Variants in DIAPH2 observed in about 807,000 individuals in gnomAD.
DIAPH2 encodes the protein diaphanous related formin 2, also known as protein diaphanous homolog 2.
DIAPH2 carries 35 observed loss-of-function variants against 92.7 expected under a neutral mutation model. The ratio of observed to expected loss-of-function variants is 0.38; its 90% CI spans 0.29 to 0.50. The LOEUF is 0.50. Among genes scored for constraint, DIAPH2 ranks in the 20% least tolerant of loss-of-function variants. DIAPH2 has a pLI of 0.94. For synonymous variants in DIAPH2, 301 were observed against 280.4 expected (o/e 1.07, Z -0.73); for missense variants, 701 against 819.5 (o/e 0.86, Z 1.77).
At chrX:97,031,089 GGC>G (rs2066370731) in intron 17 of DIAPH2, among the ~76,000 whole-genome samples, 1 of 110,678 alleles carries the variant, frequency 9.0e-6, no homozygotes, top group Non-Finnish European at 1.9e-5. Context: ...TACTTGTTCT[GGC>G]TTTTCAAGGC....
chrX:97,440,281 G>A (rs1051698838), intron 26 of DIAPH2, among the ~76,000 whole-genome samples: 9 of 111,488 alleles, frequency 8.1e-5, no homozygotes, highest in African/African-American at 2.3e-4. Flanking sequence ...GGACTAGCTC[G>A]GAATTTGGAG....
intron 17 of DIAPH2, among the ~76,000 whole-genome samples, chrX:97,031,796 C>T (rs768888686): frequency 1.2e-4 from 13 of 111,239 alleles, no homozygotes; most frequent in Admixed American, 6.7e-4. Flanking sequence ...CACCGAACTC[C>T]GATGAAGGGA....
At chrX:96,754,858 A>G (rs1250220982) in intron 3 of DIAPH2, among the ~76,000 whole-genome samples, 1 of 89,769 alleles carries the variant, frequency 1.1e-5, no homozygotes, top group South Asian at 6.9e-4. Context: ...TGGGAAGCGG[A>G]GGTTGCAGTG....
intron 4 of DIAPH2, among the ~76,000 whole-genome samples, chrX:96,836,719 T>A (rs7064451): frequency 1.9e-3 from 40 of 20,713 alleles, no homozygotes; most frequent in African/African-American, 7.0e-3. Context: ...ATATATATAT[T>A]TTTTTTTTTT....
At chrX:96,852,793 G>T (rs1424677810) in intron 4 of DIAPH2, among the ~76,000 whole-genome samples, 1 of 111,895 alleles carries the variant, frequency 8.9e-6, no homozygotes, top group African/African-American at 3.2e-5. Flanking sequence ...TCTGCTAATT[G>T]ATCCTTTAGT....
At chrX:97,000,345 T>C (rs1414506648) in intron 17 of DIAPH2, among the ~76,000 whole-genome samples, 1 of 112,282 alleles carries the variant, frequency 8.9e-6, no homozygotes, top group Non-Finnish European at 1.9e-5. Flanking sequence ...GAATTGAAAT[T>C]TCTTTTATCT....
chrX:96,985,616 A>G (rs1430081505), intron 17 of DIAPH2, among the ~76,000 whole-genome samples: 2 of 110,981 alleles, frequency 1.8e-5, no homozygotes, highest in Non-Finnish European at 3.8e-5. Flanking sequence ...TATCATGTAA[A>G]AGGCCGAGGA....
chrX:96,989,908 G>A (rs5921072), intron 17 of DIAPH2, among the ~76,000 whole-genome samples: 11,041 of 111,609 alleles, frequency 0.099, 617 homozygotes, highest in African/African-American at 0.21. Context: ...AAGTGACATC[G>A]TAATAGTTAT....
intron 4 of DIAPH2, among the ~76,000 whole-genome samples, chrX:96,845,975 T>G (rs1336189831): frequency 9.1e-6 from 1 of 110,228 alleles, no homozygotes; most frequent in Admixed American, 9.7e-5. Context: ...TATTTTTTAT[T>G]TTTTAGCAGA....
chrX:97,183,098 T>G (rs572133924), intron 22 of DIAPH2, among the ~76,000 whole-genome samples: 2 of 111,510 alleles, frequency 1.8e-5, no homozygotes, highest in African/African-American at 3.3e-5. Context: ...AAGAGAAAAT[T>G]TCAGGAAAGA....
intron 26 of DIAPH2, among the ~76,000 whole-genome samples, chrX:97,597,481 G>A (rs938072061): frequency 2.7e-5 from 3 of 111,455 alleles, no homozygotes; most frequent in African/African-American, 9.8e-5. Flanking sequence ...GGTGTGGGGT[G>A]CCAGTAGCAT....
chrX:97,137,343 A>G (rs1461060284), intron 21 of DIAPH2, among the ~76,000 whole-genome samples: 1 of 98,239 alleles, frequency 1.0e-5, no homozygotes, highest in Non-Finnish European at 2.0e-5. Flanking sequence ...ATAGCCCAGA[A>G]AAGTTGGAGT....
At chrX:96,890,644 T>TACAC (rs1057287224) in intron 5 of DIAPH2, among the ~76,000 whole-genome samples, 8 of 110,818 alleles carry the variant, frequency 7.2e-5, no homozygotes, top group African/African-American at 2.6e-4. Flanking sequence ...TAAATAAGTG[T>TACAC]ACACACACAC....
intron 26 of DIAPH2, among the ~76,000 whole-genome samples, chrX:97,435,844 G>A (rs1465804044): frequency 2.5e-5 from 2 of 81,540 alleles, no homozygotes; most frequent in Non-Finnish European, 4.5e-5. Context: ...CTCTCACTCT[G>A]TTGCCCAGGC....
At chrX:97,535,259 G>T (rs192627531) in intron 26 of DIAPH2, among the ~76,000 whole-genome samples, 1 of 112,035 alleles carries the variant, frequency 8.9e-6, no homozygotes, top group South Asian at 3.7e-4. Flanking sequence ...ACAGGGGAAA[G>T]TGGGTACAGA....
At chrX:97,365,678 C>T (rs1435262407) in intron 24 of DIAPH2, among the ~76,000 whole-genome samples, 2 of 108,591 alleles carry the variant, frequency 1.8e-5, no homozygotes, top group Non-Finnish European at 3.8e-5. Flanking sequence ...CTTTTTCTTT[C>T]TTTCTTTTTT....
chrX:96,926,384 A>G (rs901790489), intron 9 of DIAPH2, among the ~76,000 whole-genome samples: 1 of 111,737 alleles, frequency 8.9e-6, no homozygotes, highest in Admixed American at 9.5e-5. Flanking sequence ...TCATTCACTT[A>G]CTATATTTTA....
rs2064702922 is a variant in DIAPH2 at position 96,813,406 on chromosome X, C to T, written c.447+55148C>T. ...TCTTCCTCTGTCCCTTTATTTTAAG[C>T]CTATGTGTGTCTCTGCACGTGAGAT... is the stretch of plus-strand genomic sequence containing the variant. On this transcript the variant is annotated intron_variant, in intron 4 of 26. Transcript: ENST00000324765. Among the ~76,000 whole-genome samples the T allele has an allele frequency of 2.7e-5, 3 of 109,848 alleles. No homozygotes were observed. In the Admixed American group the frequency reaches 2.9e-4, roughly 11 times the overall value.
intron 26 of DIAPH2, among the ~76,000 whole-genome samples, chrX:97,485,755 A>C (rs758874419): frequency 5.3e-5 from 6 of 112,272 alleles, no homozygotes; most frequent in Non-Finnish European, 1.1e-4. Flanking sequence ...GTCATTTGGC[A>C]TTGACTTATG....
Sources: allele counts gnomAD v4.1 joint callset (sites outside exome capture counted in the v4.1 genomes callset), GRCh38; gene constraint gnomAD v4.1.1; transcripts MANE v1.5; gene names NCBI Gene and HGNC (gene_info 2026-07-23, HGNC 2026-07-21).